The following MS4A14 variants were observed in gnomAD, a reference collection of about 807,000 sequenced individuals.
MS4A14 encodes membrane-spanning 4-domains subfamily A member 14.
MS4A14 carries 18 observed loss-of-function variants against 16.7 expected under a neutral mutation model. The observed-to-expected ratio is 1.08, with a 90% CI of 0.75 to 1.60. MS4A14 has a LOEUF of 1.60. Ranked by LOEUF, MS4A14 falls within the 40% of genes most tolerant of loss-of-function variation. The pLI is 0.00. For missense variants in MS4A14, 812 were observed against 775.3 expected (o/e 1.05, Z -0.56); for synonymous variants, 305 against 289.4 (o/e 1.05, Z -0.55).
chr11:60,399,384 T>C (rs1309722411), intron 2 of MS4A14, among the ~76,000 whole-genome samples: 1 of 151,878 alleles, frequency 6.6e-6, no homozygotes, highest in Non-Finnish European at 1.5e-5. Flanking sequence ...TGGGAAAGAG[T>C]AACCAAAAGA....
At chr11:60,406,035 C>A in intron 4 of MS4A14, 1 of 1,204,804 alleles carries the variant, frequency 8.3e-7, no homozygotes, top group Non-Finnish European at 1.1e-6. Flanking sequence ...GGTTCCTGTT[C>A]CTGTTGGGAT....
At chr11:60,400,322 AT>A in intron 2 of MS4A14, 81 bp from the exon 3 acceptor site, 2 of 891,858 alleles carry the variant, frequency 2.2e-6, no homozygotes, top group Non-Finnish European at 3.6e-6. Flanking sequence ...ACAAACAGAT[AT>A]TTTGCAAATC....
At chr11:60,404,160 C>A (rs2085754522) in intron 4 of MS4A14, among the ~76,000 whole-genome samples, 1 of 152,074 alleles carries the variant, frequency 6.6e-6, no homozygotes, top group South Asian at 2.1e-4. Flanking sequence ...TTGTATATAC[C>A]CGAAAGGGTT....
rs2085941002 is a variant in MS4A14, at chr11:60,416,225, C to G, written c.1257C>G (p.Ala419=). Residue 419 remains alanine, a synonymous_variant, in exon 5 of 5, where the codon GCC becomes GCG. Coordinates refer to ENST00000300187, the MANE Select transcript of MS4A14 (RefSeq NM_032597.5). ...CAGCGCATGCCATATTACCTGAAGC[C>G]TCAACATCCCATATTGTGCAGTTCC... is the stretch of plus-strand genomic sequence containing the variant. The part of the protein sequence containing the change: ...ALSAHAILPE[A]STSHIVQFPE... The G allele has an allele frequency of 6.2e-7, 1 of 1,613,836 alleles. No homozygotes were observed. Among genetic ancestry groups the G allele is most frequent in the Non-Finnish European group, 8.5e-7 (1 of 1,179,962 alleles).
rs531354023 is a variant in MS4A14, at chr11:60,396,788, G to T, written c.138+72G>T. Reference sequence around the variant, plus strand: ...GTTTATTTATTCATGTATGTCTGCAGAGATATGCAGAGATTATTTTCAGGG... The same window carrying T: ...GTTTATTTATTCATGTATGTCTGCATAGATATGCAGAGATTATTTTCAGGG... On this transcript the variant is annotated intron_variant, in intron 1 of 4. Transcript: ENST00000300187. 2.9e-6 allele frequency: 4 copies of T among 1,397,220 alleles called. No homozygotes were observed. The South Asian group carries it at 5.7e-5, about 20-fold the overall frequency. 86.6% of individuals were successfully genotyped at this position (1,397,220 alleles called of 1,614,324 possible).
At chr11:60,403,171 T>G in intron 4 of MS4A14, 110 bp downstream of exon 4, 1 of 1,226,866 alleles carries the variant, frequency 8.2e-7, no homozygotes, top group Non-Finnish European at 1.2e-6. Context: ...TGTCAGCATT[T>G]GAACTGACGG....
At chr11:60,396,895 A>G (rs1270015986) in intron 1 of MS4A14, among the ~76,000 whole-genome samples, 179 bp downstream of exon 1, 1 of 152,176 alleles carries the variant, frequency 6.6e-6, no homozygotes, top group Non-Finnish European at 1.5e-5. Context: ...GGGGGAAGCA[A>G]GAAACTAGTA....
intron 4 of MS4A14, among the ~76,000 whole-genome samples, chr11:60,408,987 T>A (rs1565177473): frequency 1.3e-5 from 2 of 151,890 alleles, no homozygotes; most frequent in Non-Finnish European, 2.9e-5. Flanking sequence ...AAAGGGGGAG[T>A]AATTATTTTC....
At chr11:60,398,390 C>T (rs1321956221) in intron 2 of MS4A14, among the ~76,000 whole-genome samples, 2 of 152,198 alleles carry the variant, frequency 1.3e-5, no homozygotes, top group African/African-American at 4.8e-5. Context: ...ATTATTATCA[C>T]TCATCCTCCT....
At chr11:60,400,105 C>T (rs1360060212) in intron 2 of MS4A14, among the ~76,000 whole-genome samples, 1 of 152,166 alleles carries the variant, frequency 6.6e-6, no homozygotes, top group Non-Finnish European at 1.5e-5. Flanking sequence ...AGGCCCAGAG[C>T]TCAGGAATCT....
intron 2 of MS4A14, among the ~76,000 whole-genome samples, chr11:60,399,085 C>T (rs1239938819): frequency 6.6e-6 from 1 of 152,212 alleles, no homozygotes; most frequent in East Asian, 1.9e-4. Context: ...ACTGAGAATA[C>T]TGGAAAACAG....
Position 60,416,634 on chromosome 11 carries a change from C to G in MS4A14, c.1666C>G (p.Gln556Glu), listed in dbSNP as rs1279598416. The G allele has an allele frequency of 1.2e-6, 2 of 1,613,808 alleles. No homozygotes were observed. Among genetic ancestry groups the G allele is most frequent in the East Asian group, 2.2e-5 (1 of 44,868 alleles). Residue 556 changes from glutamine (Q) to glutamate (E), a missense_variant, in exon 5 of 5, where the codon CAA (glutamine) becomes GAA (glutamate). By Grantham distance (29) the Gln-to-Glu change is conservative. Transcript: ENST00000300187. ...CGTAGATAAGCAAGCTCAACTTAAT[C>G]AAACTAAAGAGCAACTCCCAGATCA... ...HSVDKQAQLN[Q>E]TKEQLPDQQA...
chr11:60,397,934 T>A lies in MS4A14; in HGVS notation c.221T>A (p.Leu74His). 1 of 1,613,658 alleles carries A rather than the reference T, an allele frequency of 6.2e-7. No individual in the cohort carries two copies. The highest frequency in any genetic ancestry group is 8.5e-7 in the Non-Finnish European group (1 of 1,179,654). Reference protein sequence around the residue: ...ALNYIGFSQRLPLVVLTGYPF... With the variant: ...ALNYIGFSQRHPLVVLTGYPF... ...AATTACATCGGTTTCTCCCAAAGAC[T>A]TCCCCTTGTTGTCCTCACAGGATAT... The change falls in exon 2 of 5, where the codon CTT (leucine) becomes CAT (histidine). Residue 74 changes from leucine to histidine, a missense_variant. By Grantham distance (99) the Leu-to-His change is moderately conservative (BLOSUM62 -3). Coordinates refer to ENST00000300187, the MANE Select transcript of MS4A14 (RefSeq NM_032597.5).
intron 4 of MS4A14, among the ~76,000 whole-genome samples, chr11:60,406,322 A>C (rs543962745): frequency 2.0e-5 from 3 of 152,194 alleles, no homozygotes; most frequent in Non-Finnish European, 2.9e-5. Flanking sequence ...TTCTTGGATC[A>C]TAAGATGTGT....
At chr11:60,400,491 T>C (rs1310616996) in intron 3 of MS4A14, 37 bp downstream of exon 3, 2 of 1,416,018 alleles carry the variant, frequency 1.4e-6, no homozygotes, top group Non-Finnish European at 9.9e-7. Context: ...TAAAATCTTC[T>C]ATTTGTTTTA....
At position 60,396,735 on chromosome 11, in the gene MS4A14, A is replaced by G. The variant is rs1271124596; in HGVS notation, c.138+19A>G. The G allele has an allele frequency of 6.2e-7, 1 of 1,608,212 alleles. No homozygotes were observed. Among genetic ancestry groups the G allele is most frequent in the Non-Finnish European group, 8.5e-7 (1 of 1,177,700 alleles). On this transcript the variant is annotated intron_variant, in intron 1 of 4. Transcript: ENST00000300187. ...CTTGGGGGTAAGTCCTCTCCAGTCAATAGGTCTTCCAGAAGGGGAGAAAAG... is the reference window on the plus strand; with the variant it reads ...CTTGGGGGTAAGTCCTCTCCAGTCAGTAGGTCTTCCAGAAGGGGAGAAAAG...
At chr11:60,403,123 T>G (rs1388619870) in intron 4 of MS4A14, 62 bp downstream of exon 4, 1 of 1,516,930 alleles carries the variant, frequency 6.6e-7, no homozygotes, top group African/African-American at 1.4e-5. Context: ...GTCCATGATG[T>G]AATGATTCAC....
At chr11:60,397,326 G>C (rs1052791751) in intron 1 of MS4A14, among the ~76,000 whole-genome samples, 19 of 152,090 alleles carry the variant, frequency 1.2e-4, no homozygotes, top group Non-Finnish European at 1.3e-4. Flanking sequence ...GGATGAAGGG[G>C]AGGTGAAATG....
chr11:60,413,383 C>A (rs1298690484), intron 4 of MS4A14, among the ~76,000 whole-genome samples: 1 of 151,642 alleles, frequency 6.6e-6, no homozygotes, highest in African/African-American at 2.4e-5. Flanking sequence ...AAATAGCAAT[C>A]TTTCCTTGTT....
Sources: gnomAD v4.1 joint callset for allele counts (sites outside exome capture counted in the v4.1 genomes callset) on GRCh38, gnomAD v4.1.1 for gene constraint, MANE v1.5 for transcripts, NCBI Gene and HGNC (gene_info 2026-07-23, HGNC 2026-07-21) for gene names.